OTOG: variants seen among roughly 807,000 people sequenced by gnomAD.
OTOG encodes the protein otogelin.
OTOG carries 296 observed loss-of-function variants against 313.8 expected under a neutral mutation model. The ratio of observed to expected loss-of-function variants is 0.94; its 90% CI spans 0.86 to 1.04. The LOEUF is 1.04. Among genes scored for constraint, OTOG ranks in the 50% least tolerant of loss-of-function variants. The pLI, the probability that OTOG is intolerant of heterozygous loss-of-function variation, is 0.00. For synonymous variants in OTOG, 1,533 were observed against 1,554.9 expected, an observed-to-expected ratio of 0.99 and a Z score of 0.33; for missense variants, 3,948 against 3,840.1, an observed-to-expected ratio of 1.03 and a Z score of -0.74.
intron 27 of OTOG, 28 bp downstream of exon 27, chr11:17,593,784 T>C (rs1158595263): frequency 6.5e-7 from 1 of 1,543,816 alleles, no homozygotes. Context: ...GACATTCTGC[T>C]CCTGCCTGGG....
chr11:17,644,236 C>G (rs891106665), intron 54 of OTOG, among the ~76,000 whole-genome samples: 2 of 152,388 alleles, frequency 1.3e-5, no homozygotes, highest in Middle Eastern at 3.4e-3. Context: ...TTTGCTCTTG[C>G]TGGTCACTCA....
At chr11:17,613,194 CTTTTCTTTCTTTCTTTCTTTCTTTCTTT>C (rs1853615207) in intron 38 of OTOG, among the ~76,000 whole-genome samples, 5 of 48,696 alleles carry the variant, frequency 1.0e-4, no homozygotes, top group South Asian at 6.6e-4. Context: ...TTCTTTCTTT[CTTTTCTTTCTTTCTTTCTTTCTTTCTTT>C]CTTTCTTTCT....
intron 40 of OTOG, among the ~76,000 whole-genome samples, chr11:17,630,867 T>C (rs1435725100): frequency 5.9e-5 from 9 of 152,210 alleles, no homozygotes; most frequent in African/African-American, 2.2e-4. Flanking sequence ...TTAGGTCACA[T>C]TAAAAGCTAG....
chr11:17,571,832 T>C (rs1206543642), intron 17 of OTOG, among the ~76,000 whole-genome samples: 1 of 152,152 alleles, frequency 6.6e-6, no homozygotes, highest in East Asian at 1.9e-4. Context: ...AATGTGGCTG[T>C]GTGGACCACT....
chr11:17,574,834 G>T lies in OTOG; in HGVS notation c.2408G>T (p.Ser803Ile). 6.5e-7 allele frequency: 1 copy of T among 1,550,028 alleles called. No homozygotes were observed. Among genetic ancestry groups the T allele is most frequent in the Non-Finnish European group, 8.7e-7 (1 of 1,146,694 alleles). Residue 803 changes from serine (S) to isoleucine (I), a missense_variant, in exon 20 of 56, where the codon AGC becomes ATC. Physicochemically the swap from Ser to Ile is moderately radical, Grantham distance 142. Coordinates refer to ENST00000399397, the MANE Select transcript of OTOG (RefSeq NM_001292063.2). The part of the protein sequence containing the change: ...ACGVDGGDDL[S>I]RDECVEGCAC... ...GGGGTTGATGGTGGCGATGACCTGA[G>T]CAGAGACGAGTGTGTGGAGGGCTGT...
In OTOG at chr11:17,599,671, C is replaced by G; in HGVS notation, c.3683C>G (p.Pro1228Arg). 1.3e-6 allele frequency: 2 copies of G among 1,550,682 alleles called. No homozygotes were observed. Among genetic ancestry groups the G allele is most frequent in the Non-Finnish European group, 1.7e-6 (2 of 1,146,988 alleles). Residue 1228 changes from proline to arginine, a missense_variant and splice_region_variant, in exon 31 of 56, where the codon CCG (proline) becomes CGG (arginine). Physicochemically the swap from Pro to Arg is moderately radical, Grantham distance 103. Transcript: ENST00000399397. Reference protein sequence around the residue: ...AVDWRTPRLCPYDCDFFNKVL... With the variant: ...AVDWRTPRLCRYDCDFFNKVL... ...GAAGTTCCTGTTCTCTCTCTTTCAGCGTATGACTGTGACTTCTTTAACAAA... is the reference window on the plus strand; with the variant it reads ...GAAGTTCCTGTTCTCTCTCTTTCAGGGTATGACTGTGACTTCTTTAACAAA...
chr11:17,568,472 T>C lies in OTOG; in HGVS notation c.1645-684T>C, dbSNP rs187025252. Among the ~76,000 whole-genome samples, 7 of 152,370 alleles carry C rather than the reference T, an allele frequency of 4.6e-5. 1 individual carries two copies. In the South Asian group the frequency reaches 1.4e-3, roughly 32 times the overall value. Reference sequence around the variant, plus strand: ...CTTACAGCACTGATCACAATTATAATTGAGTAATCAACTTTGTAATTACTT... The same window carrying C: ...CTTACAGCACTGATCACAATTATAACTGAGTAATCAACTTTGTAATTACTT... On this transcript the variant is annotated intron_variant, in intron 15 of 55. Transcript: ENST00000399397.
At chr11:17,613,195 TTTTC>T (rs1191747829) in intron 38 of OTOG, among the ~76,000 whole-genome samples, 5,884 of 64,658 alleles carry the variant, frequency 0.091, 127 homozygotes, top group Middle Eastern at 0.1. Flanking sequence ...TCTTTCTTTC[TTTTC>T]TTTCTTTCTT....
At chr11:17,639,088 G>T (rs1847914777) in intron 48 of OTOG, among the ~76,000 whole-genome samples, 1 of 152,286 alleles carries the variant, frequency 6.6e-6, no homozygotes, top group South Asian at 2.1e-4. Flanking sequence ...AAAAGAATAG[G>T]CTCTGGACCA....
chr11:17,557,390 G>C (rs1245720716), intron 8 of OTOG, 67 bp downstream of exon 8: 2 of 1,460,394 alleles, frequency 1.4e-6, no homozygotes, highest in African/African-American at 2.8e-5. Context: ...GGCTGGGAGG[G>C]GTTGGAGGGG....
intron 30 of OTOG, 21 bp downstream of exon 30, chr11:17,597,028 C>T (rs1481795339): frequency 1.9e-6 from 3 of 1,548,436 alleles, no homozygotes; most frequent in Middle Eastern, 3.7e-4. Context: ...CAGACAATCA[C>T]CTGAGGGGAC....
chr11:17,644,924 G>A (rs756593888), intron 54 of OTOG, among the ~76,000 whole-genome samples: 3 of 152,146 alleles, frequency 2.0e-5, no homozygotes, highest in Non-Finnish European at 4.4e-5. Flanking sequence ...AGATATTGCA[G>A]CCAATTGCTA....
At chr11:17,643,536 G>C (rs1848015294) in intron 54 of OTOG, 30 bp downstream of exon 54, 1 of 1,394,124 alleles carries the variant, frequency 7.2e-7, no homozygotes. Context: ...GCCCAGGGGT[G>C]GGGGGCTCTG....
chr11:17,637,623 C>A (rs2133714086), intron 47 of OTOG, among the ~76,000 whole-genome samples: 1 of 152,276 alleles, frequency 6.6e-6, no homozygotes, highest in African/African-American at 2.4e-5. Flanking sequence ...ACTTCGGGTG[C>A]CACACACTAT....
intron 39 of OTOG, among the ~76,000 whole-genome samples, chr11:17,618,245 G>A (rs560978715): frequency 1.3e-4 from 20 of 152,140 alleles, no homozygotes; most frequent in Middle Eastern, 6.8e-3. Context: ...TTCCCTGTAC[G>A]TATTGATTTA....
chr11:17,644,039 C>G (rs1343822247), intron 54 of OTOG, among the ~76,000 whole-genome samples: 1 of 152,236 alleles, frequency 6.6e-6, no homozygotes, highest in Non-Finnish European at 1.5e-5. Context: ...CCAGCAATGT[C>G]CCTTCTGCTA....
intron 36 of OTOG, 119 bp downstream of exon 36, chr11:17,611,542 C>A: frequency 8.9e-7 from 1 of 1,117,616 alleles, no homozygotes; most frequent in Non-Finnish European, 1.2e-6. Context: ...CTCCTGGTCC[C>A]TGAAAAATTC....
chr11:17,549,645 C>T (rs945044160), intron 3 of OTOG, among the ~76,000 whole-genome samples: 1 of 152,188 alleles, frequency 6.6e-6, no homozygotes, highest in South Asian at 2.1e-4. Context: ...TCAGGAATCC[C>T]CATGTTTTAG....
rs1853475852 is a variant in OTOG, at chr11:17,609,694, G to A, written c.4394G>A (p.Gly1465Asp). 2.0e-6 allele frequency: 3 copies of A among 1,515,994 alleles called. No individual in the cohort carries two copies. Among genetic ancestry groups the A allele is most frequent in the Admixed American group, 2.1e-5 (1 of 46,760 alleles). The allele number at this position is 1,515,994 out of a possible 1,614,324, so 93.9% of individuals were successfully genotyped here. A position where few individuals can be genotyped will look rare whatever the true frequency, so the allele number is the denominator to read the frequency against. The change falls in exon 36 of 56, where the codon GGC becomes GAC. Residue 1465 changes from glycine (G) to aspartate (D), a missense_variant. Coordinates refer to ENST00000399397, the MANE Select transcript of OTOG (RefSeq NM_001292063.2). ...PAVWVPTEAL[G>D]NETLPPSQGL... ...GTTTGGGTTCCCACAGAGGCCCTTGGCAATGAGACCCTCCCTCCCAGTCAA... is the reference window on the plus strand; with the variant it reads ...GTTTGGGTTCCCACAGAGGCCCTTGACAATGAGACCCTCCCTCCCAGTCAA...
Sources: allele counts gnomAD v4.1 joint callset (sites outside exome capture counted in the v4.1 genomes callset), GRCh38; gene constraint gnomAD v4.1.1; transcripts MANE v1.5; gene names NCBI Gene and HGNC (gene_info 2026-07-23, HGNC 2026-07-21).